FUT8: variants seen among roughly 807,000 people sequenced by gnomAD.
The protein encoded by FUT8 is fucosyltransferase 8, also known as alpha-(1,6)-fucosyltransferase.
In FUT8, 29 loss-of-function variants were observed where a neutral mutation model predicts 71.3. The ratio of observed to expected loss-of-function variants is 0.41; its 90% CI spans 0.30 to 0.55. FUT8 has a LOEUF of 0.55. Ranked by LOEUF, FUT8 falls within the 20% of genes least tolerant of loss-of-function variation. The pLI, the probability that FUT8 is intolerant of heterozygous loss-of-function variation, is 0.34. For synonymous variants in FUT8, 254 were observed against 239.3 expected, an observed-to-expected ratio of 1.06 and a Z score of -0.57; for missense variants, 544 against 702.1, an observed-to-expected ratio of 0.77 and a Z score of 2.55.
At chr14:65,416,161 C>A (rs887173488) in intron 1 of FUT8, among the ~76,000 whole-genome samples, 5 of 151,838 alleles carry the variant, frequency 3.3e-5, no homozygotes, top group African/African-American at 1.2e-4. Context: ...ATGGTGGATA[C>A]ATCATTTCAT....
intron 9 of FUT8, among the ~76,000 whole-genome samples, chr14:65,733,007 ATG>A (rs1310203307): frequency 3.9e-5 from 6 of 152,180 alleles, no homozygotes; most frequent in African/African-American, 1.2e-4. Flanking sequence ...TGATGTGTGT[ATG>A]TGTGTTTTAT....
the FUT8 span, among the ~76,000 whole-genome samples, chr14:65,361,145 C>T: frequency 6.6e-6 from 1 of 151,806 alleles, no homozygotes; most frequent in Non-Finnish European, 1.5e-5. Flanking sequence ...ATCATGAGGT[C>T]AGGAGTTCGA....
chr14:65,621,887 C>A (rs1176915202), intron 5 of FUT8, among the ~76,000 whole-genome samples: 1 of 152,064 alleles, frequency 6.6e-6, no homozygotes, highest in Non-Finnish European at 1.5e-5. Context: ...TGCAGTGGCA[C>A]GATCTTGGCT....
Position 65,722,116 on chromosome 14 carries a change from A to G in FUT8, c.1082+95A>G. 4 of 1,421,768 alleles carry G rather than the reference A, an allele frequency of 2.8e-6. No individual in the cohort carries two copies. In the South Asian group the frequency reaches 4.0e-5, roughly 14 times the overall value. 88.1% of individuals were successfully genotyped at this position (1,421,768 alleles called of 1,614,324 possible). ...TGTGAATTTTACAATATGTAGTTCA[A>G]TTTTTATAGTCCCACCAAAGGACAG... On this transcript the variant is annotated intron_variant, in intron 8 of 10. Transcript: ENST00000673929.
intron 3 of FUT8, among the ~76,000 whole-genome samples, chr14:65,582,342 A>G (rs954642599): frequency 3.9e-4 from 60 of 152,178 alleles, no homozygotes; most frequent in African/African-American, 1.4e-3. Context: ...TTTTTAGACA[A>G]ATTTATAATG....
intron 3 of FUT8, among the ~76,000 whole-genome samples, chr14:65,562,640 A>G (rs762859182): frequency 2.0e-5 from 3 of 152,154 alleles, no homozygotes; most frequent in Non-Finnish European, 4.4e-5. Flanking sequence ...TAGAGAAGCT[A>G]GAAATGAAGA....
At chr14:65,426,548 T>TA (rs1220678293) in intron 1 of FUT8, among the ~76,000 whole-genome samples, 1 of 152,170 alleles carries the variant, frequency 6.6e-6, no homozygotes, top group Non-Finnish European at 1.5e-5. Context: ...GCTTAAAGGA[T>TA]AGAAGTTATT....
intron 2 of FUT8, among the ~76,000 whole-genome samples, chr14:65,531,035 G>T (rs562045798): frequency 1.3e-5 from 2 of 149,392 alleles, no homozygotes; most frequent in East Asian, 4.0e-4. Context: ...GTAAAATATG[G>T]TGTTTAAGTT....
intron 2 of FUT8, among the ~76,000 whole-genome samples, chr14:65,463,786 A>G (rs931806459): frequency 6.6e-6 from 1 of 152,212 alleles, no homozygotes; most frequent in Admixed American, 6.5e-5. Flanking sequence ...TATATTACCA[A>G]GAAAATAAGG....
the FUT8 span, among the ~76,000 whole-genome samples, chr14:65,361,379 T>A: frequency 3.4e-5 from 5 of 146,224 alleles, 1 homozygote; most frequent in African/African-American, 1.0e-4. Context: ...AAAAGCTCTA[T>A]AAATGTAAGG....
At chr14:65,670,553 A>G (rs1302599552) in intron 7 of FUT8, among the ~76,000 whole-genome samples, 1 of 152,102 alleles carries the variant, frequency 6.6e-6, no homozygotes, top group African/African-American at 2.4e-5. Context: ...CATCCTCTGC[A>G]CTCATATCTT....
intron 2 of FUT8, among the ~76,000 whole-genome samples, chr14:65,507,299 T>G (rs950066989): frequency 2.0e-5 from 3 of 152,222 alleles, no homozygotes; most frequent in African/African-American, 7.2e-5. Context: ...CAAGAAGATT[T>G]GTGTCTGTCT....
In FUT8 at chr14:65,627,071, T is replaced by A. The variant is rs1264657516; in HGVS notation, c.483-2421T>A. ...CATTCATCTAAAGATATTTATCGAA[T>A]ATTTTGTCTGTGACATGCACTGTTC... On this transcript the variant is annotated intron_variant, in intron 5 of 10. Transcript: ENST00000673929. This position sits in a 1 kb window ranked among gnomAD's most constrained non-coding sequence, Gnocchi z 4.0. Among the ~76,000 whole-genome samples, 3 of 152,196 alleles carry A rather than the reference T, an allele frequency of 2.0e-5. No individual in the cohort carries two copies. The highest frequency in any genetic ancestry group is 4.4e-5 in the Non-Finnish European group (3 of 68,030).
At chr14:65,490,690 C>T (rs1041031732) in intron 2 of FUT8, among the ~76,000 whole-genome samples, 12 of 152,104 alleles carry the variant, frequency 7.9e-5, no homozygotes. Flanking sequence ...TATGTCACAT[C>T]CCTCCCTCCT....
At chr14:65,464,259 G>GGTT (rs1555362910) in intron 2 of FUT8, among the ~76,000 whole-genome samples, 3 of 116,560 alleles carry the variant, frequency 2.6e-5, no homozygotes, top group African/African-American at 9.8e-5. Flanking sequence ...AGTACTTTGG[G>GGTT]TTTTTTTTTT....
At chr14:65,537,305 T>C (rs774825615) in intron 2 of FUT8, among the ~76,000 whole-genome samples, 18 of 151,884 alleles carry the variant, frequency 1.2e-4, no homozygotes, top group South Asian at 2.1e-4. Flanking sequence ...AGTGTAGTCA[T>C]TGGGAGGAAA....
At chr14:65,664,098 A>G (rs1451784350) in intron 6 of FUT8, among the ~76,000 whole-genome samples, 1 of 152,114 alleles carries the variant, frequency 6.6e-6, no homozygotes, top group Non-Finnish European at 1.5e-5. Context: ...GAAAAGGTTT[A>G]TTGAAGAAGA....
At chr14:65,449,058 T>A (rs2065783835) in intron 1 of FUT8, among the ~76,000 whole-genome samples, 1 of 152,174 alleles carries the variant, frequency 6.6e-6, no homozygotes, top group African/African-American at 2.4e-5. Flanking sequence ...AACTTACAAA[T>A]TTAGGACAGA....
intron 3 of FUT8, 41 bp downstream of exon 3, chr14:65,561,807 T>A: frequency 6.5e-7 from 1 of 1,543,604 alleles, no homozygotes; most frequent in Non-Finnish European, 8.9e-7. Context: ...TGAAATATTG[T>A]ACTTTGTTTT....
Sources: allele counts gnomAD v4.1 joint callset (sites outside exome capture counted in the v4.1 genomes callset), GRCh38; gene constraint gnomAD v4.1.1; non-coding constraint Gnocchi (gnomAD v3.1); transcripts MANE v1.5; gene names NCBI Gene and HGNC (gene_info 2026-07-23, HGNC 2026-07-21).